The following ST6GALNAC3 variants were observed in gnomAD, a reference collection of about 807,000 sequenced individuals.
ST6GALNAC3 encodes the protein alpha-N-acetylgalactosaminide alpha-2,6-sialyltransferase 3.
ST6GALNAC3 carries 25 observed loss-of-function variants against 32.7 expected under a neutral mutation model. The observed-to-expected ratio is 0.76, with a 90% CI of 0.56 to 1.07. ST6GALNAC3 has a LOEUF of 1.07. Among genes scored for constraint, ST6GALNAC3 ranks in the 50% least tolerant of loss-of-function variants. The pLI is 0.00. For missense variants in ST6GALNAC3, 355 were observed against 382.4 expected, an observed-to-expected ratio of 0.93 and a Z score of 0.60; for synonymous variants, 129 against 133.1, an observed-to-expected ratio of 0.97 and a Z score of 0.21.
chr1:76,634,071 G>T lies in ST6GALNAC3; in HGVS notation c.*5265G>T. On this transcript the variant is annotated 3_prime_UTR_variant, in exon 5 of 5. Transcript: ENST00000328299. ...TTTTTTTTCAGTTAACTACTTGTTT[G>T]TTTCTTTTCAGAATAGGCACTTTTT... The T allele has an allele frequency of 2.0e-5, 13 of 661,078 alleles. No homozygotes were observed. The highest frequency in any genetic ancestry group is 2.2e-5 in the Non-Finnish European group (12 of 535,266). The allele number at this position is 661,078 out of a possible 1,614,324, so 41.0% of individuals were successfully genotyped here.
intron 1 of ST6GALNAC3, among the ~76,000 whole-genome samples, chr1:76,178,760 C>T (rs190246984): frequency 6.6e-5 from 10 of 152,270 alleles, no homozygotes; most frequent in Admixed American, 3.9e-4. Flanking sequence ...AACTGTCAGT[C>T]GGTTCAGAGC....
In ST6GALNAC3 at chr1:76,634,171, G is replaced by A; in HGVS notation, c.*5365G>A. On this transcript the variant is annotated 3_prime_UTR_variant, in exon 5 of 5. Coordinates refer to ENST00000328299, the MANE Select transcript of ST6GALNAC3 (RefSeq NM_152996.4). Reference sequence around the variant, plus strand: ...ACGCCTTGAAGACTTCAGAAAAATAGAAGCTCACTTCCTTCCATAAAGGTG... The same window carrying A: ...ACGCCTTGAAGACTTCAGAAAAATAAAAGCTCACTTCCTTCCATAAAGGTG... 8.1e-6 allele frequency: 8 copies of A among 984,248 alleles called. No homozygotes were observed. Among genetic ancestry groups the A allele is most frequent in the Non-Finnish European group, 9.6e-6 (8 of 829,366 alleles). 61.0% of individuals were successfully genotyped at this position (984,248 alleles called of 1,614,324 possible). A position where few individuals can be genotyped will look rare whatever the true frequency, so the allele number is the denominator to read the frequency against.
intron 3 of ST6GALNAC3, among the ~76,000 whole-genome samples, chr1:76,571,672 G>A (rs1665868329): frequency 2.0e-5 from 3 of 152,190 alleles, no homozygotes; most frequent in Non-Finnish European, 4.4e-5. Flanking sequence ...GGTTTCCTAT[G>A]CCTGAGTGAG....
At chr1:76,405,281 G>A (rs772003266) in intron 2 of ST6GALNAC3, among the ~76,000 whole-genome samples, 3 of 152,010 alleles carry the variant, frequency 2.0e-5, no homozygotes, top group Non-Finnish European at 4.4e-5. Flanking sequence ...TTCGTACATG[G>A]CTGTTCCTTT....
intron 3 of ST6GALNAC3, among the ~76,000 whole-genome samples, chr1:76,416,899 T>G (rs1273413384): frequency 6.6e-6 from 1 of 152,102 alleles, no homozygotes; most frequent in Non-Finnish European, 1.5e-5. Flanking sequence ...GTGCTGGGAT[T>G]ACAGGCGTGA....
intron 2 of ST6GALNAC3, among the ~76,000 whole-genome samples, chr1:76,330,398 C>A (rs960140415): frequency 1.3e-5 from 2 of 151,934 alleles, no homozygotes; most frequent in African/African-American, 2.4e-5. Context: ...CCTCATGATC[C>A]GCCTACCTCA....
intron 1 of ST6GALNAC3, among the ~76,000 whole-genome samples, chr1:76,174,284 A>G (rs1311518985): frequency 1.3e-5 from 2 of 152,188 alleles, no homozygotes; most frequent in Admixed American, 6.5e-5. Context: ...ACGTGGACAC[A>G]GAGAGTGGAA....
intron 2 of ST6GALNAC3, among the ~76,000 whole-genome samples, chr1:76,315,171 T>G (rs1014713734): frequency 6.6e-6 from 1 of 152,172 alleles, no homozygotes; most frequent in African/African-American, 2.4e-5. Flanking sequence ...TTTTACAGTG[T>G]CTATTGCTTG....
chr1:76,440,657 T>C (rs987766199), intron 3 of ST6GALNAC3, among the ~76,000 whole-genome samples: 3 of 152,230 alleles, frequency 2.0e-5, no homozygotes, highest in Non-Finnish European at 2.9e-5. Context: ...CTATAAATGA[T>C]TAATTTTATG....
At chr1:76,253,656 T>C (rs1376130378) in intron 1 of ST6GALNAC3, among the ~76,000 whole-genome samples, 2 of 152,138 alleles carry the variant, frequency 1.3e-5, no homozygotes, top group African/African-American at 4.8e-5. Context: ...CTATGGAAAA[T>C]TATTGATGCA....
chr1:76,160,865 A>C (rs402394), intron 1 of ST6GALNAC3, among the ~76,000 whole-genome samples: 3 of 150,124 alleles, frequency 2.0e-5, no homozygotes, highest in Non-Finnish European at 3.0e-5. Context: ...TATAATCAAC[A>C]TATCTTACTT....
At chr1:76,628,136 T>G (rs1649090706) in intron 4 of ST6GALNAC3, among the ~76,000 whole-genome samples, 1 of 151,948 alleles carries the variant, frequency 6.6e-6, no homozygotes, top group Admixed American at 6.6e-5. Context: ...ATCAGGATAA[T>G]GGAATCTATT....
chr1:76,468,717 A>ATCT (rs1658818755), intron 3 of ST6GALNAC3, among the ~76,000 whole-genome samples: 1 of 152,036 alleles, frequency 6.6e-6, no homozygotes, highest in Non-Finnish European at 1.5e-5. Flanking sequence ...AGGCTAAGGG[A>ATCT]CTAAGGGATT....
intron 2 of ST6GALNAC3, among the ~76,000 whole-genome samples, chr1:76,350,642 A>G (rs1292987461): frequency 6.6e-6 from 1 of 152,202 alleles, no homozygotes; most frequent in Non-Finnish European, 1.5e-5. Flanking sequence ...AGTTGAAAAT[A>G]AACACATTTT....
chr1:76,150,421 G>C (rs1489083267), intron 1 of ST6GALNAC3, among the ~76,000 whole-genome samples: 2 of 152,196 alleles, frequency 1.3e-5, no homozygotes, highest in African/African-American at 4.8e-5. Context: ...ATCCATGAAT[G>C]GGGCTAGGTT....
intron 3 of ST6GALNAC3, among the ~76,000 whole-genome samples, chr1:76,573,898 G>A (rs2100511728): frequency 6.6e-6 from 1 of 152,124 alleles, no homozygotes. Flanking sequence ...GGACAGTAGA[G>A]AAGGATGCAA....
chr1:76,534,594 C>G (rs1663479687), intron 3 of ST6GALNAC3, among the ~76,000 whole-genome samples: 1 of 152,062 alleles, frequency 6.6e-6, no homozygotes, highest in South Asian at 2.1e-4. Context: ...GATCAGAGAC[C>G]ACCTCCTATA....
chr1:76,571,855 G>A (rs1665881751), intron 3 of ST6GALNAC3, among the ~76,000 whole-genome samples: 1 of 151,938 alleles, frequency 6.6e-6, no homozygotes, highest in Admixed American at 6.6e-5. Flanking sequence ...TCTTAACTAA[G>A]AAAATTTAGA....
chr1:76,378,370 G>A (rs1013556787), intron 2 of ST6GALNAC3, among the ~76,000 whole-genome samples: 3 of 152,062 alleles, frequency 2.0e-5, no homozygotes, highest in African/African-American at 4.8e-5. Context: ...TCTAAAAGTT[G>A]CTTTTTTAAG....
Sources: gnomAD v4.1 joint callset for allele counts (sites outside exome capture counted in the v4.1 genomes callset) on GRCh38, gnomAD v4.1.1 for gene constraint, MANE v1.5 for transcripts, NCBI Gene and HGNC (gene_info 2026-07-23, HGNC 2026-07-21) for gene names.